The following EYS variants were observed in gnomAD, a reference collection of about 807,000 sequenced individuals.
EYS encodes the protein protein eyes shut homolog.
In EYS, 250 loss-of-function variants were observed where a neutral mutation model predicts 282.1. The observed-to-expected ratio is 0.89, with a 90% confidence interval of 0.80 to 0.98. EYS has a LOEUF of 0.98. Ranked by LOEUF, EYS falls within the 50% of genes least tolerant of loss-of-function variation. EYS has a pLI of 0.00. For missense variants in EYS, 4,016 were observed against 3,709.0 expected, an observed-to-expected ratio of 1.08 and a Z score of -2.15; for synonymous variants, 1,355 against 1,282.9, an observed-to-expected ratio of 1.06 and a Z score of -1.20.
chr6:64,629,026 T>G (rs972655542), intron 22 of EYS, among the ~76,000 whole-genome samples: 1 of 152,174 alleles, frequency 6.6e-6, no homozygotes, highest in African/African-American at 2.4e-5. Flanking sequence ...TTATCTAATG[T>G]CTTTTGTTTC....
chr6:64,294,523 C>T (rs1768833634), intron 30 of EYS, among the ~76,000 whole-genome samples: 1 of 152,110 alleles, frequency 6.6e-6, no homozygotes, highest in South Asian at 2.1e-4. Context: ...GTAATAAAAT[C>T]CTGCATCACA....
At chr6:64,274,751 A>G (rs998087354) in intron 30 of EYS, among the ~76,000 whole-genome samples, 1 of 152,048 alleles carries the variant, frequency 6.6e-6, no homozygotes. Context: ...TGAGTTGTCT[A>G]CAAGTACCGA....
chr6:65,220,142 A>T (rs1766423203), intron 12 of EYS, among the ~76,000 whole-genome samples: 1 of 152,036 alleles, frequency 6.6e-6, no homozygotes, highest in Non-Finnish European at 1.5e-5. Context: ...ATAGGCTCAG[A>T]TTTTTGCATT....
chr6:63,776,800 C>T (rs1429595375), intron 40 of EYS, among the ~76,000 whole-genome samples: 7 of 152,092 alleles, frequency 4.6e-5, no homozygotes, highest in Admixed American at 3.9e-4. Flanking sequence ...ACTTCATATG[C>T]TTTCCTATTG....
At chr6:65,534,835 C>A (rs750630934) in intron 2 of EYS, among the ~76,000 whole-genome samples, 4 of 152,124 alleles carry the variant, frequency 2.6e-5, no homozygotes, top group Non-Finnish European at 5.9e-5. Context: ...TCTGAATAAA[C>A]AACTTTTACT....
chr6:64,865,241 T>C (rs1005068959), intron 19 of EYS, among the ~76,000 whole-genome samples: 9 of 152,114 alleles, frequency 5.9e-5, no homozygotes, highest in African/African-American at 2.2e-4. Flanking sequence ...AAAAATTGCA[T>C]ATATATACAC....
intron 2 of EYS, among the ~76,000 whole-genome samples, chr6:65,598,745 G>A (rs1765504040): frequency 6.6e-6 from 1 of 152,094 alleles, no homozygotes; most frequent in Admixed American, 6.6e-5. Context: ...AAGAGAAATA[G>A]TGTTATGGTA....
intron 13 of EYS, among the ~76,000 whole-genome samples, chr6:65,044,457 T>C (rs1314688373): frequency 1.3e-5 from 2 of 151,750 alleles, no homozygotes; most frequent in African/African-American, 4.8e-5. Context: ...CCTTGCCCAA[T>C]CCAATTTTGT....
intron 33 of EYS, among the ~76,000 whole-genome samples, chr6:64,036,121 A>T (rs1770108408): frequency 6.6e-6 from 1 of 152,242 alleles, no homozygotes; most frequent in South Asian, 2.1e-4. Flanking sequence ...ACAGTAATGT[A>T]CAGTGACAAC....
rs559224776 is a variant in EYS, at chr6:65,052,325, G to T, written c.2137+5289C>A. ...TGTAGAAAGAAAATTTATACTTTGA[G>T]GCAGTATTTAATCTCATTTACTTTA... On this transcript the variant is annotated intron_variant, in intron 13 of 42. Coordinates refer to ENST00000503581, the MANE Select transcript of EYS (RefSeq NM_001142800.2). 4.0e-5 allele frequency among the ~76,000 whole-genome samples: 6 copies of T among 151,362 alleles called. No individual in the cohort carries two copies. In the South Asian group the frequency reaches 1.2e-3, roughly 31 times the overall value.
At chr6:64,523,383 T>C (rs754326018) in intron 26 of EYS, among the ~76,000 whole-genome samples, 1 of 151,816 alleles carries the variant, frequency 6.6e-6, no homozygotes, top group Non-Finnish European at 1.5e-5. Flanking sequence ...AAATGAATAC[T>C]TAGATTCAAA....
intron 22 of EYS, among the ~76,000 whole-genome samples, chr6:64,668,543 C>CTTTTTTTTT (rs35765768): frequency 1.3e-5 from 1 of 76,154 alleles, no homozygotes; most frequent in Non-Finnish European, 2.4e-5. Flanking sequence ...TACCACAATT[C>CTTTTTTTTT]TTTTTTTTTT....
intron 40 of EYS, 23 bp from the exon 41 acceptor site, chr6:63,762,656 A>G: frequency 6.5e-7 from 1 of 1,547,864 alleles, no homozygotes; most frequent in East Asian, 2.4e-5. Flanking sequence ...AGAAAGCCGC[A>G]TGGTTTGAGC....
intron 13 of EYS, among the ~76,000 whole-genome samples, chr6:65,032,465 T>G (rs1190584068): frequency 6.6e-6 from 1 of 152,116 alleles, no homozygotes; most frequent in East Asian, 1.9e-4. Flanking sequence ...ATGAATGAGT[T>G]TGTATGTGAT....
At chr6:64,552,778 G>A (rs1358243767) in intron 26 of EYS, among the ~76,000 whole-genome samples, 1 of 149,874 alleles carries the variant, frequency 6.7e-6, no homozygotes, top group African/African-American at 2.5e-5. Flanking sequence ...AATTAGCCAG[G>A]CATGGTGGCG....
At chr6:64,965,953 AGTGTGT>A (rs35672727) in intron 14 of EYS, among the ~76,000 whole-genome samples, 2,722 of 147,592 alleles carry the variant, frequency 0.018, 69 homozygotes, top group African/African-American at 0.056. Context: ...GAAAATTGTG[AGTGTGT>A]GTGTGTGTGT....
At chr6:65,560,449 CAAAT>C (rs1460073026) in intron 2 of EYS, among the ~76,000 whole-genome samples, 5 of 146,960 alleles carry the variant, frequency 3.4e-5, no homozygotes, top group Admixed American at 1.4e-4. Flanking sequence ...TTGCAGGACA[CAAAT>C]AAAGGTGTTA....
At chr6:64,811,329 A>G (rs1764584000) in intron 22 of EYS, among the ~76,000 whole-genome samples, 1 of 152,010 alleles carries the variant, frequency 6.6e-6, no homozygotes, top group South Asian at 2.1e-4. Flanking sequence ...GAATAACTTT[A>G]TAGCAGTAAT....
At chr6:64,380,540 A>G (rs1211464028) in intron 29 of EYS, among the ~76,000 whole-genome samples, 1 of 152,174 alleles carries the variant, frequency 6.6e-6, no homozygotes, top group African/African-American at 2.4e-5. Flanking sequence ...CCTCATATTT[A>G]TTGCCTCACA....
Sources: gnomAD v4.1 joint callset for allele counts (sites outside exome capture counted in the v4.1 genomes callset) on GRCh38, gnomAD v4.1.1 for gene constraint, MANE v1.5 for transcripts, NCBI Gene and HGNC (gene_info 2026-07-23, HGNC 2026-07-21) for gene names.